KCNMA1: variants seen among roughly 807,000 people sequenced by gnomAD.
KCNMA1 encodes the protein Calcium-activated potassium channel subunit alpha-1.
In KCNMA1, 29 loss-of-function variants were observed where a neutral mutation model predicts 140.0. The observed-to-expected ratio is 0.21, with a 90% CI of 0.15 to 0.28. The LOEUF is 0.28. Among genes scored for constraint, KCNMA1 ranks in the 10% least tolerant of loss-of-function variants. KCNMA1 has a pLI of 1.00. For missense variants in KCNMA1, 880 were observed against 1,602.2 expected, an observed-to-expected ratio of 0.55 and a Z score of 7.70; for synonymous variants, 612 against 611.9, an observed-to-expected ratio of 1.00 and a Z score of 0.00.
chr10:77,217,641 T>C (rs374249446), intron 3 of KCNMA1: 9 of 420,020 alleles, frequency 2.1e-5, no homozygotes, highest in East Asian at 1.5e-4. Flanking sequence ...AGAAAAAAAG[T>C]GGTATGAAGT....
chr10:77,140,113 C>T (rs1398590612), intron 5 of KCNMA1, among the ~76,000 whole-genome samples: 2 of 152,204 alleles, frequency 1.3e-5, no homozygotes, highest in African/African-American at 4.8e-5. Flanking sequence ...ATTTCTGCCT[C>T]ACCCAGCACA....
chr10:77,474,608 T>A (rs920421253), intron 1 of KCNMA1, among the ~76,000 whole-genome samples: 2 of 151,996 alleles, frequency 1.3e-5, no homozygotes, highest in African/African-American at 4.8e-5. Flanking sequence ...TGGGGCGCGG[T>A]AGGGTGTGCC....
chr10:77,340,518 A>G (rs1327434277), intron 2 of KCNMA1, among the ~76,000 whole-genome samples: 1 of 152,146 alleles, frequency 6.6e-6, no homozygotes, highest in African/African-American at 2.4e-5. Flanking sequence ...ACACCATGGA[A>G]CACTATGCAG....
At chr10:77,518,511 T>G (rs1184958487) in intron 1 of KCNMA1, among the ~76,000 whole-genome samples, 1 of 152,114 alleles carries the variant, frequency 6.6e-6, no homozygotes, top group Non-Finnish European at 1.5e-5. Context: ...CCGTCACTTC[T>G]CTCTAGGGGC....
At chr10:77,255,841 A>G (rs2060615518) in intron 2 of KCNMA1, among the ~76,000 whole-genome samples, 1 of 149,544 alleles carries the variant, frequency 6.7e-6, no homozygotes, top group Admixed American at 6.7e-5. Context: ...TGAACTTGGG[A>G]GGCAGAGGTT....
At chr10:77,279,853 A>G (rs1476807372) in intron 2 of KCNMA1, among the ~76,000 whole-genome samples, 1 of 152,196 alleles carries the variant, frequency 6.6e-6, no homozygotes, top group Non-Finnish European at 1.5e-5. Context: ...GCCTGCTGCC[A>G]TATAAGACTT....
intron 9 of KCNMA1, among the ~76,000 whole-genome samples, chr10:77,102,080 G>A (rs1162147657): frequency 1.3e-5 from 2 of 152,204 alleles, no homozygotes; most frequent in African/African-American, 2.4e-5. Flanking sequence ...GATTTTTATG[G>A]ATGTGTAGAA....
chr10:77,300,276 G>T (rs913726913), intron 2 of KCNMA1, among the ~76,000 whole-genome samples: 1 of 152,174 alleles, frequency 6.6e-6, no homozygotes, highest in Admixed American at 6.5e-5. Context: ...CATTTTGTGG[G>T]CTACTTCTGA....
At chr10:77,114,963 A>G (rs1199488204) in intron 6 of KCNMA1, among the ~76,000 whole-genome samples, 1 of 152,184 alleles carries the variant, frequency 6.6e-6, no homozygotes. Context: ...TTTAAATTCT[A>G]GGCATTTAAG....
At chr10:77,229,761 ATG>A (rs201681841) in intron 3 of KCNMA1, among the ~76,000 whole-genome samples, 1 of 152,186 alleles carries the variant, frequency 6.6e-6, no homozygotes, top group African/African-American at 2.4e-5. Flanking sequence ...ATATATATAT[ATG>A]TACACACACA....
At chr10:77,258,860 G>A (rs1345720451) in intron 2 of KCNMA1, among the ~76,000 whole-genome samples, 1 of 152,114 alleles carries the variant, frequency 6.6e-6, no homozygotes, top group East Asian at 1.9e-4. Flanking sequence ...CTACTCAGGA[G>A]GCTGAGGCAG....
At chr10:77,533,783 C>A (rs1427532183) in intron 1 of KCNMA1, among the ~76,000 whole-genome samples, 3 of 152,186 alleles carry the variant, frequency 2.0e-5, no homozygotes, top group African/African-American at 7.2e-5. Flanking sequence ...TAACTCAGGG[C>A]AGAAATATCA....
chr10:77,387,552 T>A (rs1356371911), intron 2 of KCNMA1, among the ~76,000 whole-genome samples: 2 of 150,934 alleles, frequency 1.3e-5, no homozygotes, highest in Non-Finnish European at 3.0e-5. Flanking sequence ...TTTCTTTTCT[T>A]TTCTTTTTCT....
At chr10:77,338,476 G>T (rs2154373197) in intron 2 of KCNMA1, among the ~76,000 whole-genome samples, 1 of 152,276 alleles carries the variant, frequency 6.6e-6, no homozygotes, top group East Asian at 1.9e-4. Flanking sequence ...TGCAGCCAGA[G>T]GCCCTTACAG....
intron 9 of KCNMA1, among the ~76,000 whole-genome samples, chr10:77,101,000 G>A (rs2097083775): frequency 6.6e-6 from 1 of 151,916 alleles, no homozygotes; most frequent in Non-Finnish European, 1.5e-5. Context: ...GTGTGTGGAA[G>A]GGAAGAGTGA....
intron 2 of KCNMA1, 45 bp from the exon 3 acceptor site, chr10:77,251,301 A>C: frequency 9.8e-6 from 15 of 1,525,078 alleles, no homozygotes; most frequent in Non-Finnish European, 1.3e-5. Context: ...GTTGGACCTC[A>C]GGATGTTTGG....
intron 2 of KCNMA1, among the ~76,000 whole-genome samples, chr10:77,343,399 G>A (rs2091436520): frequency 6.6e-6 from 1 of 152,188 alleles, no homozygotes; most frequent in African/African-American, 2.4e-5. Flanking sequence ...ACACAGGTGG[G>A]AAGTTGTGTT....
At chr10:77,044,226 G>A (rs2094907175) in intron 14 of KCNMA1, among the ~76,000 whole-genome samples, 1 of 152,064 alleles carries the variant, frequency 6.6e-6, no homozygotes. Flanking sequence ...CTACCCAAGG[G>A]CTGAAATTAT....
chr10:77,528,142 C>A (rs1043104777), intron 1 of KCNMA1, among the ~76,000 whole-genome samples: 2 of 152,212 alleles, frequency 1.3e-5, no homozygotes, highest in African/African-American at 2.4e-5. Flanking sequence ...GGACCTGGCA[C>A]AAGGTGTCTA....
Sources: gnomAD v4.1 joint callset for allele counts (sites outside exome capture counted in the v4.1 genomes callset) on GRCh38, gnomAD v4.1.1 for gene constraint, MANE v1.5 for transcripts, NCBI Gene and HGNC (gene_info 2026-07-23, HGNC 2026-07-21) for gene names.